Variants in TYW1B observed in about 807,000 individuals in gnomAD.
TYW1B encodes tRNA-yW synthesizing protein 1 homolog B, also known as S-adenosyl-L-methionine-dependent tRNA 4-demethylwyosine synthase TYW1B.
TYW1B carries 73 observed loss-of-function variants against 86.9 expected under a neutral mutation model. That is an observed-to-expected ratio of 0.84 (90% CI 0.70 to 1.02). The LOEUF is 1.02. TYW1B is among the 50% of genes least tolerant of loss of function. The probability of loss-of-function intolerance (pLI) is 0.00; values close to 1 mark genes in which losing one functional copy is unlikely to be tolerated. For missense variants in TYW1B, 637 were observed against 827.4 expected (o/e 0.77, Z 2.82); for synonymous variants, 248 against 292.8 (o/e 0.85, Z 1.56).
At chr7:72,813,424 C>G (rs1788662065) in intron 3 of TYW1B, among the ~76,000 whole-genome samples, 2 of 152,164 alleles carry the variant, frequency 1.3e-5, no homozygotes, top group African/African-American at 4.8e-5. Flanking sequence ...GATCCACCTA[C>G]CTCGGACTCC....
chr7:72,644,672 T>G (rs1812881528), intron 11 of TYW1B, among the ~76,000 whole-genome samples: 1 of 151,806 alleles, frequency 6.6e-6, no homozygotes, highest in Non-Finnish European at 1.5e-5. Flanking sequence ...TTTAAAAAAA[T>G]AAACAGCATT....
chr7:72,794,038 G>A (rs1554474055), intron 6 of TYW1B, among the ~76,000 whole-genome samples: 1 of 152,190 alleles, frequency 6.6e-6, no homozygotes, highest in Non-Finnish European at 1.5e-5. Context: ...AAATTCAGAA[G>A]CAAACGGATC....
rs1453309412 is a variant in TYW1B at position 72,744,670 on chromosome 7, C to A, written c.965-69G>T. On this transcript the variant is annotated intron_variant, in intron 7 of 13. Transcript: ENST00000620995. The stretch of plus-strand genomic sequence containing the variant: ...GCACAGAAACAAACCACCAAGGCAT[C>A]ATTTTTAAGAGAAACCATGTGTTTC... 7.4e-6 allele frequency: 11 copies of A among 1,484,612 alleles called. No individual in the cohort carries two copies. In the Admixed American group the frequency reaches 1.0e-4, roughly 14 times the overall value. The allele number at this position is 1,484,612 out of a possible 1,614,324, so 92.0% of individuals were successfully genotyped here. A position where few individuals can be genotyped will look rare whatever the true frequency, so the allele number is the denominator to read the frequency against.
In TYW1B at chr7:72,740,709, C is replaced by G. The variant is rs1585945675; in HGVS notation, c.1082+3775G>C. On this transcript the variant is annotated intron_variant, in intron 8 of 13. Coordinates refer to ENST00000620995, the MANE Select transcript of TYW1B (RefSeq NM_001145440.3). ...ATCTGACTTCCAGAGTTAACACATT[C>G]TAATAATCAAAATATGCAGTTTTCT... 2.7e-5 allele frequency among the ~76,000 whole-genome samples: 4 copies of G among 150,440 alleles called. No individual in the cohort carries two copies. In the Admixed American group the frequency reaches 2.7e-4, roughly 10 times the overall value.
intron 13 of TYW1B, among the ~76,000 whole-genome samples, chr7:72,578,670 ATGGGCCAAC>A (rs1452629741): frequency 1.3e-5 from 2 of 152,192 alleles, no homozygotes; most frequent in African/African-American, 4.8e-5. Context: ...ATCCATCAAC[ATGGGCCAAC>A]TGGGCCAACT....
chr7:72,770,087 C>CA (rs1318633373), intron 7 of TYW1B, among the ~76,000 whole-genome samples: 43 of 143,660 alleles, frequency 3.0e-4, no homozygotes, highest in East Asian at 1.3e-3. Flanking sequence ...AAAAAAAAAA[C>CA]AAAAAAAATG....
intron 11 of TYW1B, among the ~76,000 whole-genome samples, chr7:72,672,624 C>T (rs1353225566): frequency 2.0e-5 from 3 of 152,050 alleles, no homozygotes; most frequent in African/African-American, 7.2e-5. Flanking sequence ...GATGTAGGAA[C>T]CTCGAATAGA....
Position 72,616,763 on chromosome 7 carries a change from T to C in TYW1B, c.1694A>G (p.Gln565Arg), listed in dbSNP as rs782083655. The change falls in exon 13 of 14, where the codon CAG becomes CGG. Residue 565 changes from glutamine to arginine, a missense_variant. Gln to Arg is a conservative substitution (Grantham distance 43). Coordinates refer to ENST00000620995, the MANE Select transcript of TYW1B (RefSeq NM_001145440.3). Reference sequence around the variant, plus strand: ...CAGATCCACCAGCTCGCGGACAAACTGTACCACTTCCTCATGCCAGGGCAC... The same window carrying C: ...CAGATCCACCAGCTCGCGGACAAACCGTACCACTTCCTCATGCCAGGGCAC... ...AHVPWHEEVV[Q>R]FVRELVDLIP... The C allele has an allele frequency of 1.9e-6, 3 of 1,614,256 alleles. No individual in the cohort carries two copies. In the Admixed American group the frequency reaches 5.0e-5, roughly 27 times the overall value.
At chr7:72,593,232 G>C (rs1277967680) in intron 13 of TYW1B, among the ~76,000 whole-genome samples, 2 of 151,718 alleles carry the variant, frequency 1.3e-5, no homozygotes, top group African/African-American at 4.9e-5. Context: ...GGTGGAGGTT[G>C]TGGCGAGCCG....
intron 12 of TYW1B, among the ~76,000 whole-genome samples, chr7:72,617,563 C>T (rs1585851263): frequency 1.3e-5 from 2 of 152,212 alleles, no homozygotes; most frequent in African/African-American, 4.8e-5. Flanking sequence ...GATGGGGTTT[C>T]GCCATGTTGA....
chr7:72,739,606 CAAAA>C (rs565426313), intron 8 of TYW1B, among the ~76,000 whole-genome samples: 1 of 72,742 alleles, frequency 1.4e-5, no homozygotes, highest in Non-Finnish European at 3.0e-5. Flanking sequence ...ACTCCGTCTC[CAAAA>C]AAAAAAAAAA....
intron 10 of TYW1B, among the ~76,000 whole-genome samples, chr7:72,709,085 T>C (rs1452571360): frequency 6.6e-6 from 1 of 152,206 alleles, no homozygotes; most frequent in Non-Finnish European, 1.5e-5. Flanking sequence ...GATGAAAGAC[T>C]ATGTCCTCAA....
chr7:72,680,913 G>C (rs1813858968), intron 11 of TYW1B, among the ~76,000 whole-genome samples: 1 of 152,018 alleles, frequency 6.6e-6, no homozygotes, highest in Non-Finnish European at 1.5e-5. Context: ...CTTATTCACT[G>C]TATCTTTTCA....
At chr7:72,766,709 T>G (rs1294467541) in intron 7 of TYW1B, among the ~76,000 whole-genome samples, 2 of 150,946 alleles carry the variant, frequency 1.3e-5, no homozygotes, top group African/African-American at 4.9e-5. Context: ...GGTGGATCAC[T>G]TGAGATCAAG....
At chr7:72,662,260 G>C (rs1222544384) in intron 11 of TYW1B, among the ~76,000 whole-genome samples, 1 of 152,186 alleles carries the variant, frequency 6.6e-6, no homozygotes, top group African/African-American at 2.4e-5. Context: ...TAAATAGTTA[G>C]CTTTGAAAGT....
chr7:72,583,664 T>A (rs1811209168), intron 13 of TYW1B, among the ~76,000 whole-genome samples: 1 of 148,370 alleles, frequency 6.7e-6, no homozygotes, highest in South Asian at 2.2e-4. Flanking sequence ...AAAAAGCACA[T>A]CAACAACCTC....
At chr7:72,796,951 G>A (rs557434018) in intron 6 of TYW1B, among the ~76,000 whole-genome samples, 2 of 132,774 alleles carry the variant, frequency 1.5e-5, no homozygotes, top group South Asian at 2.6e-4. Flanking sequence ...TTACAGGCAC[G>A]TACCACTATG....
intron 6 of TYW1B, among the ~76,000 whole-genome samples, chr7:72,785,387 A>G (rs1204463560): frequency 6.1e-5 from 9 of 147,608 alleles, no homozygotes; most frequent in Admixed American, 4.8e-4. Flanking sequence ...GTTATATTCT[A>G]ATTCTAATTA....
At chr7:72,710,304 G>A (rs35871708) in intron 10 of TYW1B, among the ~76,000 whole-genome samples, 3 of 151,970 alleles carry the variant, frequency 2.0e-5, no homozygotes, top group African/African-American at 4.8e-5. Flanking sequence ...CCAATGTCCC[G>A]CACATCAGCC....
Sources: gnomAD v4.1 joint callset for allele counts (sites outside exome capture counted in the v4.1 genomes callset) on GRCh38, gnomAD v4.1.1 for gene constraint, MANE v1.5 for transcripts, NCBI Gene and HGNC (gene_info 2026-07-23, HGNC 2026-07-21) for gene names.